Variants in RIPOR2 observed in about 807,000 individuals in gnomAD.
RIPOR2 encodes RHO family interacting cell polarization regulator 2.
A neutral mutation model predicts 114.5 loss-of-function variants in RIPOR2; 39 were observed. The observed-to-expected ratio is 0.34, with a 90% CI of 0.26 to 0.44. RIPOR2 has a LOEUF of 0.44. RIPOR2 is among the 20% of genes least tolerant of loss of function. RIPOR2 has a pLI of 1.00. For missense variants in RIPOR2, 1,007 were observed against 1,255.1 expected (o/e 0.80, Z 2.99); for synonymous variants, 445 against 484.4 (o/e 0.92, Z 1.07).
chr6:25,024,668 G>T (rs1776519016), intron 1 of RIPOR2, among the ~76,000 whole-genome samples: 1 of 152,156 alleles, frequency 6.6e-6, no homozygotes, highest in Non-Finnish European at 1.5e-5. Context: ...ACTGACAACT[G>T]ACCCTCAAAG....
chr6:24,974,250 G>A (rs1239711664), intron 1 of RIPOR2, among the ~76,000 whole-genome samples: 3 of 152,106 alleles, frequency 2.0e-5, no homozygotes, highest in Admixed American at 6.6e-5. Context: ...GCTGGATGCG[G>A]TGGTGAGCAC....
At chr6:24,928,394 T>C (rs145619624) in intron 1 of RIPOR2, among the ~76,000 whole-genome samples, 1 of 152,202 alleles carries the variant, frequency 6.6e-6, no homozygotes, top group Non-Finnish European at 1.5e-5. Flanking sequence ...ATTCCCACCA[T>C]AGAAAATGTT....
In RIPOR2 at chr6:24,805,398, T is replaced by G. The variant is rs1313734157; in HGVS notation, c.*975A>C. The G allele has an allele frequency of 2.0e-5, 3 of 147,078 alleles. No homozygotes were observed. Among genetic ancestry groups the G allele is most frequent in the African/African-American group, 7.5e-5 (3 of 40,164 alleles). 9.1% of individuals were successfully genotyped at this position (147,078 alleles called of 1,614,324 possible). ...CAAAATAAATTATGGGAGTTTTTTG[T>G]TTTTTTTTTTGAGACTGGCTCTCAT... is the stretch of plus-strand genomic sequence containing the variant. On this transcript the variant is annotated 3_prime_UTR_variant, in exon 22 of 22. Coordinates refer to ENST00000643898, the MANE Select transcript of RIPOR2 (RefSeq NM_001286445.3).
At chr6:24,852,668 T>G in intron 8 of RIPOR2, 50 bp from the exon 9 acceptor site, 2 of 1,340,118 alleles carry the variant, frequency 1.5e-6, no homozygotes, top group Non-Finnish European at 1.0e-6. Context: ...TTCCCCTCTC[T>G]ATAGACACAT....
At chr6:24,870,046 G>A (rs906031382) in intron 5 of RIPOR2, among the ~76,000 whole-genome samples, 1 of 152,026 alleles carries the variant, frequency 6.6e-6, no homozygotes, top group Non-Finnish European at 1.5e-5. Flanking sequence ...GAGCAGCACC[G>A]TATATAAATT....
Position 24,850,607 on chromosome 6 carries a change from A to T in RIPOR2, c.875T>A (p.Ile292Asn). ...ATGACAATACTGTACCTTGATGGAG[A>T]TGAACCCAACTATCAGGGGCAGAAA... ...TVFLPLIVGF[I>N]SIKVTELKGL... The change falls in exon 10 of 22, where the codon ATC becomes AAC. Residue 292 changes from isoleucine (I) to asparagine (N), a missense_variant. By Grantham distance (149) the Ile-to-Asn change is moderately radical (BLOSUM62 -3). Coordinates refer to ENST00000643898, the MANE Select transcript of RIPOR2 (RefSeq NM_001286445.3). The T allele has an allele frequency of 1.9e-6, 3 of 1,613,918 alleles. No homozygotes were observed. The highest frequency in any genetic ancestry group is 2.5e-6 in the Non-Finnish European group (3 of 1,179,866).
At chr6:25,005,188 C>A (rs913949669) in intron 1 of RIPOR2, among the ~76,000 whole-genome samples, 1 of 152,178 alleles carries the variant, frequency 6.6e-6, no homozygotes, top group African/African-American at 2.4e-5. Flanking sequence ...GCTACTCCTG[C>A]AGTAACACTT....
At chr6:25,041,796 G>A (rs1777468977) in intron 1 of RIPOR2, 3 of 687,740 alleles carry the variant, frequency 4.4e-6, no homozygotes, top group Non-Finnish European at 7.9e-6. Flanking sequence ...AGTGTGTTGC[G>A]GGAAAGTGTG....
chr6:24,843,697 CCGTGTGTGTG>C, intron 12 of RIPOR2, 143 bp from the exon 13 acceptor site: 1 of 472,156 alleles, frequency 2.1e-6, no homozygotes, highest in South Asian at 2.6e-5. Flanking sequence ...TTTGTTGATG[CCGTGTGTGTG>C]TGTGTGTGTG....
At chr6:25,002,953 AT>A (rs1338241404) in intron 1 of RIPOR2, among the ~76,000 whole-genome samples, 7 of 152,222 alleles carry the variant, frequency 4.6e-5, no homozygotes, top group Admixed American at 4.6e-4. Context: ...ACAAAAAGTG[AT>A]TTAAGACAAG....
chr6:24,892,179 T>C (rs1767430739), intron 1 of RIPOR2, among the ~76,000 whole-genome samples: 1 of 152,188 alleles, frequency 6.6e-6, no homozygotes, highest in Non-Finnish European at 1.5e-5. Flanking sequence ...AAATGAGGGT[T>C]GGAGACTTTT....
chr6:24,842,688 A>T (rs1263230464), intron 13 of RIPOR2, among the ~76,000 whole-genome samples, 174 bp downstream of exon 13: 1 of 152,188 alleles, frequency 6.6e-6, no homozygotes, highest in Non-Finnish European at 1.5e-5. Context: ...GTTGTTTGGA[A>T]AATAAAACTT....
rs112388425 is a variant in RIPOR2 at position 25,024,407 on chromosome 6, C to T, written c.76+17444G>A. ...AGGCAATGACATCATAGCCTTGTTC[C>T]TTCACCCACACGAGGATGCAGGAGG... is the stretch of plus-strand genomic sequence containing the variant. On this transcript the variant is annotated intron_variant, in intron 1 of 13. Transcript: ENST00000510784. 5.5e-3 allele frequency: 6,351 copies of T among 1,151,354 alleles called. 53 individuals carry two copies. The highest frequency in any genetic ancestry group is 5.3e-3 in the Non-Finnish European group (4,040 of 765,396). 71.3% of individuals were successfully genotyped at this position (1,151,354 alleles called of 1,614,324 possible). A position where few individuals can be genotyped will look rare whatever the true frequency, so the allele number is the denominator to read the frequency against.
chr6:24,854,140 A>AG (rs1763218332), intron 8 of RIPOR2, among the ~76,000 whole-genome samples: 1 of 151,508 alleles, frequency 6.6e-6, no homozygotes, highest in African/African-American at 2.4e-5. Flanking sequence ...AAAAAAAAAA[A>AG]GAAAGAAAAC....
chr6:24,840,251 A>G (rs2113717071), intron 13 of RIPOR2: 2 of 1,017,348 alleles, frequency 2.0e-6, no homozygotes, highest in South Asian at 3.9e-5. Context: ...CTCACAGCAT[A>G]TAATTTTTCC....
intron 1 of RIPOR2, among the ~76,000 whole-genome samples, chr6:25,013,845 G>A (rs1455430959): frequency 6.6e-6 from 1 of 152,154 alleles, no homozygotes; most frequent in Non-Finnish European, 1.5e-5. Context: ...TAGGCACACT[G>A]AATTTAAGGA....
intron 9 of RIPOR2, 146 bp from the exon 10 acceptor site, chr6:24,850,868 G>C: frequency 1.1e-6 from 1 of 905,186 alleles, no homozygotes; most frequent in Non-Finnish European, 1.7e-6. Flanking sequence ...TCTTGGGTGT[G>C]AATGGAGCTG....
chr6:25,025,180 C>T (rs1776548090), intron 1 of RIPOR2, among the ~76,000 whole-genome samples: 1 of 152,214 alleles, frequency 6.6e-6, no homozygotes, highest in Non-Finnish European at 1.5e-5. Context: ...CGCCTGCTCC[C>T]ACCCACAGGT....
intron 1 of RIPOR2, among the ~76,000 whole-genome samples, chr6:24,927,913 A>G (rs765970215): frequency 2.0e-5 from 3 of 152,160 alleles, no homozygotes; most frequent in Non-Finnish European, 4.4e-5. Context: ...AAAAACAACA[A>G]TGGCTTCAGA....
Sources: gnomAD v4.1 joint callset for allele counts (sites outside exome capture counted in the v4.1 genomes callset) on GRCh38, gnomAD v4.1.1 for gene constraint, MANE v1.5 for transcripts, NCBI Gene and HGNC (gene_info 2026-07-23, HGNC 2026-07-21) for gene names.